The following BNC2 variants were observed in gnomAD, a reference collection of about 807,000 sequenced individuals.
The protein encoded by BNC2 is basonuclin zinc finger protein 2, also known as zinc finger protein basonuclin-2.
Under a neutral mutation model 76.3 loss-of-function variants are expected in BNC2, and 20 were observed. The observed-to-expected ratio is 0.26, with a 90% confidence interval of 0.18 to 0.38. The LOEUF (loss-of-function observed/expected upper bound fraction) is 0.38, where lower values mean the gene tolerates loss of function less well. Among genes scored for constraint, BNC2 ranks in the 10% least tolerant of loss-of-function variants. BNC2 has a pLI of 1.00. For missense variants in BNC2, 1,382 were observed against 1,399.8 expected (o/e 0.99, Z 0.20); for synonymous variants, 582 against 514.8 (o/e 1.13, Z -1.77).
At chr9:16,528,750 TA>T (rs1263373293) in intron 5 of BNC2, among the ~76,000 whole-genome samples, 1 of 152,172 alleles carries the variant, frequency 6.6e-6, no homozygotes, top group Non-Finnish European at 1.5e-5. Flanking sequence ...TGTCTTTAAA[TA>T]AGTGACTAAA....
chr9:16,800,022 C>G (rs533949705), intron 1 of BNC2, among the ~76,000 whole-genome samples: 1 of 151,888 alleles, frequency 6.6e-6, no homozygotes, highest in Non-Finnish European at 1.5e-5. Flanking sequence ...ATCAGGAGTT[C>G]GAGACCAGCC....
chr9:16,501,383 A>T (rs988814240), intron 5 of BNC2, among the ~76,000 whole-genome samples: 11 of 152,230 alleles, frequency 7.2e-5, no homozygotes, highest in African/African-American at 2.7e-4. Context: ...GATGATAATA[A>T]TGATACCAAT....
intron 4 of BNC2, among the ~76,000 whole-genome samples, chr9:16,561,938 G>A (rs532956706): frequency 2.6e-5 from 4 of 152,202 alleles, no homozygotes; most frequent in East Asian, 1.9e-4. Flanking sequence ...CACGGAGGTC[G>A]AAGCTGCAGT....
At chr9:16,643,096 G>T (rs1821532666) in intron 3 of BNC2, among the ~76,000 whole-genome samples, 1 of 152,114 alleles carries the variant, frequency 6.6e-6, no homozygotes, top group African/African-American at 2.4e-5. Flanking sequence ...GATGAATAAT[G>T]ATCACAGACC....
intron 1 of BNC2, among the ~76,000 whole-genome samples, chr9:16,863,797 G>C (rs984228433): frequency 6.6e-6 from 1 of 152,148 alleles, no homozygotes; most frequent in African/African-American, 2.4e-5. Flanking sequence ...TTGGCAATAA[G>C]TCATTAACAT....
chr9:16,504,974 A>G (rs921099268), intron 5 of BNC2, among the ~76,000 whole-genome samples: 1 of 152,228 alleles, frequency 6.6e-6, no homozygotes, highest in Non-Finnish European at 1.5e-5. Flanking sequence ...ATCATGTAGT[A>G]GGTAAAAGAG....
At chr9:16,744,802 A>G (rs1342078205) in intron 1 of BNC2, among the ~76,000 whole-genome samples, 1 of 152,234 alleles carries the variant, frequency 6.6e-6, no homozygotes, top group Admixed American at 6.5e-5. Flanking sequence ...CTTTATCAGA[A>G]AAACTGTGTA....
chr9:16,854,675 C>A (rs969124631), intron 1 of BNC2, among the ~76,000 whole-genome samples: 2 of 151,998 alleles, frequency 1.3e-5, no homozygotes, highest in Non-Finnish European at 2.9e-5. Context: ...AGACTGCCAT[C>A]TGCATTAGAT....
intron 3 of BNC2, among the ~76,000 whole-genome samples, chr9:16,597,059 G>A (rs1297030684): frequency 6.6e-6 from 1 of 151,962 alleles, no homozygotes; most frequent in African/African-American, 2.4e-5. Context: ...TTTTATAGAA[G>A]TGACACTGAA....
rs543231771 is a variant in BNC2 at position 16,693,796 on chromosome 9, G to A, written c.330+34001C>T. 1.1e-4 allele frequency among the ~76,000 whole-genome samples: 16 copies of A among 152,324 alleles called. 1 individual carries two copies. Among genetic ancestry groups the A allele is most frequent in the Admixed American group, 3.3e-4 (5 of 15,298 alleles). ...AAGCCAAAATGAGCAAGCAGCTTGAGCAGTGGTAAGGCCAACTCCACATCT... is the reference window on the plus strand; with the variant it reads ...AAGCCAAAATGAGCAAGCAGCTTGAACAGTGGTAAGGCCAACTCCACATCT... On this transcript the variant is annotated intron_variant, in intron 3 of 6. Coordinates refer to ENST00000380672, the MANE Select transcript of BNC2 (RefSeq NM_017637.6).
intron 1 of BNC2, among the ~76,000 whole-genome samples, chr9:16,860,441 C>T (rs1819369878): frequency 6.6e-6 from 1 of 152,154 alleles, no homozygotes; most frequent in Admixed American, 6.5e-5. Flanking sequence ...TGGAGAAAAA[C>T]TGTCTTTTCA....
chr9:16,853,149 G>C (rs114629630), intron 1 of BNC2, among the ~76,000 whole-genome samples: 1,724 of 152,288 alleles, frequency 0.011, 33 homozygotes, highest in African/African-American at 0.039. Context: ...AGGATACAGT[G>C]GCTCACGCCT....
At chr9:16,488,378 G>A (rs567112511) in intron 5 of BNC2, among the ~76,000 whole-genome samples, 1 of 152,240 alleles carries the variant, frequency 6.6e-6, no homozygotes, top group Non-Finnish European at 1.5e-5. Context: ...TAGGGTTTAC[G>A]TAACACTAGC....
intron 6 of BNC2, among the ~76,000 whole-genome samples, chr9:16,420,936 G>C (rs1287092417): frequency 2.6e-5 from 4 of 152,144 alleles, no homozygotes; most frequent in Non-Finnish European, 5.9e-5. Context: ...CATATCTACA[G>C]ATACATAAAA....
intron 1 of BNC2, among the ~76,000 whole-genome samples, chr9:16,846,127 G>A (rs1374220587): frequency 1.0e-4 from 14 of 139,772 alleles, no homozygotes; most frequent in East Asian, 4.4e-4. Flanking sequence ...GAGACAGAGC[G>A]AGACACCGTC....
At chr9:16,816,063 AAC>A (rs923630985) in intron 1 of BNC2, among the ~76,000 whole-genome samples, 67 of 152,264 alleles carry the variant, frequency 4.4e-4, no homozygotes, top group African/African-American at 1.6e-3. Context: ...TTAATTAAAA[AAC>A]ACTTCTACTT....
intron 1 of BNC2, among the ~76,000 whole-genome samples, chr9:16,796,476 G>A (rs1817650925): frequency 6.6e-6 from 1 of 151,990 alleles, no homozygotes; most frequent in African/African-American, 2.4e-5. Context: ...ATCATGAAAG[G>A]CAGGAGAATG....
chr9:16,700,615 T>C (rs541404606), intron 3 of BNC2, among the ~76,000 whole-genome samples: 1 of 152,150 alleles, frequency 6.6e-6, no homozygotes, highest in East Asian at 1.9e-4. Flanking sequence ...TGGCTTGTAA[T>C]TTTTTTTGCG....
At chr9:16,542,719 T>C (rs912364466) in intron 5 of BNC2, among the ~76,000 whole-genome samples, 4 of 152,220 alleles carry the variant, frequency 2.6e-5, no homozygotes, top group South Asian at 2.1e-4. Flanking sequence ...TAGCAAAGTA[T>C]TGGCCCACAT....
Sources: allele counts gnomAD v4.1 joint callset (sites outside exome capture counted in the v4.1 genomes callset), GRCh38; gene constraint gnomAD v4.1.1; transcripts MANE v1.5; gene names NCBI Gene and HGNC (gene_info 2026-07-23, HGNC 2026-07-21).